Variants in ATXN1 observed in about 807,000 individuals in gnomAD.
ATXN1 encodes the protein ataxin 1.
In ATXN1, 8 loss-of-function variants were observed where a neutral mutation model predicts 56.4. The observed-to-expected ratio is 0.14, with a 90% CI of 0.08 to 0.26. ATXN1 has a LOEUF of 0.26. Among genes scored for constraint, ATXN1 ranks in the 10% least tolerant of loss-of-function variants. The pLI is 1.00. For missense variants in ATXN1, 987 were observed against 1,106.5 expected, an observed-to-expected ratio of 0.89 and a Z score of 1.53; for synonymous variants, 514 against 494.6, an observed-to-expected ratio of 1.04 and a Z score of -0.52.
At chr6:16,731,597 C>T (rs1458279533) in intron 2 of ATXN1, among the ~76,000 whole-genome samples, 1 of 151,328 alleles carries the variant, frequency 6.6e-6, no homozygotes, top group Non-Finnish European at 1.5e-5. Context: ...CAGGAGGAAC[C>T]TAATCCCAGG....
In ATXN1 at chr6:16,592,921, A is replaced by G. The variant is rs187528573; in HGVS notation, c.-488-7014T>C. 9.2e-5 allele frequency among the ~76,000 whole-genome samples: 14 copies of G among 152,086 alleles called. 1 individual carries two copies. The highest frequency in any genetic ancestry group is 8.5e-4 in the Admixed American group (13 of 15,260). On this transcript the variant is annotated intron_variant, in intron 3 of 7. Coordinates refer to ENST00000436367, the MANE Select transcript of ATXN1 (RefSeq NM_001128164.2). ...TTTTATTCCATTATTTTTCCCGTCC[A>G]TGTCCTGTTTCTGTCCTATCAGAAC...
intron 2 of ATXN1, among the ~76,000 whole-genome samples, chr6:16,667,844 C>G (rs183451579): frequency 1.3e-5 from 2 of 152,346 alleles, no homozygotes; most frequent in Admixed American, 1.3e-4. Flanking sequence ...TCGTTAAAAA[C>G]ATACTGAACA....
At chr6:16,313,639 C>T (rs1004168960) in intron 7 of ATXN1, among the ~76,000 whole-genome samples, 3 of 151,752 alleles carry the variant, frequency 2.0e-5, no homozygotes, top group African/African-American at 7.3e-5. Flanking sequence ...TCACTGCAAT[C>T]TCTGCCTCCT....
chr6:16,497,397 A>G (rs1760800929), intron 5 of ATXN1, among the ~76,000 whole-genome samples: 1 of 152,220 alleles, frequency 6.6e-6, no homozygotes, highest in South Asian at 2.1e-4. Flanking sequence ...AATGATTAAT[A>G]CAGCTTCCTT....
intron 3 of ATXN1, chr6:16,616,025 ACT>A (rs1482782493): frequency 6.6e-6 from 1 of 151,418 alleles, no homozygotes; most frequent in Non-Finnish European, 1.5e-5. Context: ...ACAGAGCAAG[ACT>A]CTGTCTCAAG....
chr6:16,546,442 C>T (rs941585505), intron 4 of ATXN1, among the ~76,000 whole-genome samples: 2 of 152,116 alleles, frequency 1.3e-5, no homozygotes. Context: ...TCCTTCAAGC[C>T]CCACCCCCAA....
At position 16,644,922 on chromosome 6, in the gene ATXN1, G is replaced by A. The variant is rs184096147; in HGVS notation, c.-489+12854C>T. On this transcript the variant is annotated intron_variant, in intron 3 of 7. Transcript: ENST00000436367. Reference sequence around the variant, plus strand: ...ACTTGATATTTTTGAGACTCTTAACGGTAGATCATTTTTGTAGAGCAGATA... The same window carrying A: ...ACTTGATATTTTTGAGACTCTTAACAGTAGATCATTTTTGTAGAGCAGATA... Among the ~76,000 whole-genome samples the A allele has an allele frequency of 2.4e-4, 37 of 152,242 alleles. No homozygotes were observed. In the East Asian group the frequency reaches 6.5e-3, roughly 27 times the overall value.
At chr6:16,325,834 C>A (rs1481722656) in intron 7 of ATXN1, among the ~76,000 whole-genome samples, 1 of 152,160 alleles carries the variant, frequency 6.6e-6, no homozygotes, top group African/African-American at 2.4e-5. Flanking sequence ...CAGGTTCAGC[C>A]ATAGCTCACT....
intron 6 of ATXN1, among the ~76,000 whole-genome samples, chr6:16,331,008 G>GC (rs1760977164): frequency 6.7e-6 from 1 of 149,152 alleles, no homozygotes; most frequent in Non-Finnish European, 1.5e-5. Flanking sequence ...CAACCCAGGT[G>GC]TTTTTTTTTT....
chr6:16,536,544 A>C (rs1021399095), intron 4 of ATXN1, among the ~76,000 whole-genome samples: 1 of 152,202 alleles, frequency 6.6e-6, no homozygotes, highest in Non-Finnish European at 1.5e-5. Flanking sequence ...GTCATAGAAG[A>C]GTTTCCCAGG....
At chr6:16,483,882 C>T (rs760795164) in intron 6 of ATXN1, among the ~76,000 whole-genome samples, 18 of 152,176 alleles carry the variant, frequency 1.2e-4, no homozygotes, top group Admixed American at 3.9e-4. Flanking sequence ...TTACATAAGA[C>T]ACTTGTTTCC....
At chr6:16,329,966 G>C (rs1331280842) in intron 6 of ATXN1, among the ~76,000 whole-genome samples, 1 of 152,262 alleles carries the variant, frequency 6.6e-6, no homozygotes, top group Non-Finnish European at 1.5e-5. Flanking sequence ...GGTATGCACA[G>C]TGCAACATGC....
intron 6 of ATXN1, among the ~76,000 whole-genome samples, chr6:16,437,018 A>G (rs1393824740): frequency 1.3e-5 from 2 of 152,186 alleles, no homozygotes; most frequent in Admixed American, 6.5e-5. Flanking sequence ...AGTAACTGGA[A>G]GGAGATGGGA....
chr6:16,460,659 T>C (rs1265375471), intron 6 of ATXN1, among the ~76,000 whole-genome samples: 2 of 152,166 alleles, frequency 1.3e-5, no homozygotes, highest in Non-Finnish European at 2.9e-5. Flanking sequence ...TGCCAACAAA[T>C]TGTAGCCCAG....
At chr6:16,474,835 T>TCC (rs1554108891) in intron 6 of ATXN1, among the ~76,000 whole-genome samples, 1 of 146,910 alleles carries the variant, frequency 6.8e-6, no homozygotes, top group Admixed American at 6.9e-5. Context: ...TGTGTGTGCA[T>TCC]ACACACACAC....
At chr6:16,733,369 T>A (rs1397604026) in intron 2 of ATXN1, among the ~76,000 whole-genome samples, 2 of 151,296 alleles carry the variant, frequency 1.3e-5, no homozygotes, top group Non-Finnish European at 2.9e-5. Context: ...GAGACAAGCT[T>A]TGGCAACATA....
chr6:16,555,852 GT>G (rs1444417008), intron 4 of ATXN1, among the ~76,000 whole-genome samples: 1 of 152,306 alleles, frequency 6.6e-6, no homozygotes, highest in East Asian at 1.9e-4. Context: ...AATTGTTACT[GT>G]CTTTTGTTTT....
chr6:16,645,566 C>A (rs1417060548), intron 3 of ATXN1, among the ~76,000 whole-genome samples: 1 of 151,994 alleles, frequency 6.6e-6, no homozygotes, highest in Non-Finnish European at 1.5e-5. Flanking sequence ...GACTACAGAC[C>A]AAGGGTGAGG....
At chr6:16,680,873 T>A (rs780070933) in intron 2 of ATXN1, among the ~76,000 whole-genome samples, 24 of 152,204 alleles carry the variant, frequency 1.6e-4, no homozygotes, top group Non-Finnish European at 2.6e-4. Context: ...GAAAGCATAA[T>A]ATTCCACCCT....
Sources: gnomAD v4.1 joint callset for allele counts (sites outside exome capture counted in the v4.1 genomes callset) on GRCh38, gnomAD v4.1.1 for gene constraint, MANE v1.5 for transcripts, NCBI Gene and HGNC (gene_info 2026-07-23, HGNC 2026-07-21) for gene names.